ZNF506: variants seen among roughly 807,000 people sequenced by gnomAD.
ZNF506 encodes zinc finger protein 506.
ZNF506 carries 10 observed loss-of-function variants against 11.6 expected under a neutral mutation model. That is an observed-to-expected ratio of 0.86 (90% CI 0.53 to 1.46). ZNF506 has a LOEUF of 1.46. ZNF506 is among the 40% of genes most tolerant of loss of function. The pLI is 0.00. For missense variants in ZNF506, 425 were observed against 521.2 expected (o/e 0.82, Z 1.80); for synonymous variants, 156 against 173.3 (o/e 0.90, Z 0.78).
At chr19:19,800,354 T>TG (rs1367740640) in intron 3 of ZNF506, among the ~76,000 whole-genome samples, 15 of 147,242 alleles carry the variant, frequency 1.0e-4, no homozygotes, top group African/African-American at 3.7e-4. Context: ...AGTGATATGT[T>TG]GCATAATATG....
chr19:19,797,535 A>T (rs760484627), intron 3 of ZNF506: 1 of 151,968 alleles, frequency 6.6e-6, no homozygotes, highest in Non-Finnish European at 1.5e-5. Flanking sequence ...GAGGATAACA[A>T]CGAAAAAATA....
At chr19:19,800,391 A>AATATATATATATTTATATATAT (rs2062780179) in intron 3 of ZNF506, among the ~76,000 whole-genome samples, 2 of 139,244 alleles carry the variant, frequency 1.4e-5, no homozygotes, top group African/African-American at 2.6e-5. Flanking sequence ...AACTAAACAG[A>AATATATATATATTTATATATAT]ATATATATAT....
intron 3 of ZNF506, 119 bp downstream of exon 3, chr19:19,805,912 C>T: frequency 1.1e-6 from 1 of 871,512 alleles, no homozygotes; most frequent in Non-Finnish European, 1.8e-6. Context: ...AAAAAGCTGC[C>T]CAGGAACTAT....
chr19:19,812,260 C>T (rs184728472), intron 1 of ZNF506, among the ~76,000 whole-genome samples: 14 of 152,356 alleles, frequency 9.2e-5, no homozygotes, highest in Non-Finnish European at 1.8e-4. Context: ...GCCTCAAAGA[C>T]ACCTAGGTGA....
chr19:19,810,074 T>C (rs1396544881), intron 1 of ZNF506, among the ~76,000 whole-genome samples: 4 of 152,210 alleles, frequency 2.6e-5, no homozygotes, highest in Non-Finnish European at 5.9e-5. Flanking sequence ...CACTTGGTAA[T>C]TTTGGCCCCA....
At chr19:19,795,934 G>A in intron 3 of ZNF506, 1 of 402,344 alleles carries the variant, frequency 2.5e-6, no homozygotes, top group Non-Finnish European at 4.7e-6. Flanking sequence ...AGAAAAGTCT[G>A]TTACTTATAC....
rs1200457361 is a variant in ZNF506 at position 19,801,693 on chromosome 19, T to A, written c.226+4338A>T. ...GTAGTCCCAGCTACTCGGGAGGCTGTGGCAGAAGAATCTCTTGTACCCAGG... is the reference window on the plus strand; with the variant it reads ...GTAGTCCCAGCTACTCGGGAGGCTGAGGCAGAAGAATCTCTTGTACCCAGG... On this transcript the variant is annotated intron_variant, in intron 3 of 3. Coordinates refer to ENST00000540806, the MANE Select transcript of ZNF506 (RefSeq NM_001099269.3). 3.0e-3 allele frequency among the ~76,000 whole-genome samples: 442 copies of A among 147,152 alleles called. 4 individuals are homozygous for A. Among genetic ancestry groups the A allele is most frequent in the African/African-American group, 0.011 (420 of 39,240 alleles).
chr19:19,807,913 A>G (rs2062848145), intron 1 of ZNF506, among the ~76,000 whole-genome samples: 1 of 152,026 alleles, frequency 6.6e-6, no homozygotes, highest in Non-Finnish European at 1.5e-5. Context: ...GTTTTCCCCC[A>G]CATTTTCTAG....
At chr19:19,799,656 C>T (rs898075335) in intron 3 of ZNF506, among the ~76,000 whole-genome samples, 7 of 151,946 alleles carry the variant, frequency 4.6e-5, no homozygotes, top group African/African-American at 1.7e-4. Context: ...TGCCTGTTAC[C>T]CCAGCACTTT....
At position 19,808,108 on chromosome 19, in the gene ZNF506, C is replaced by CTTTTTTTTTTTTTTTTTTTTTTTTTTTT. The variant is rs757160026; in HGVS notation, c.4-1068_4-1041dup. ...ACTTAACCAAGTGAATCATTAACCA[C>CTTTTTTTTTTTTTTTTTTTTTTTTTTTT]TTTTTTTTTTTTTTTTTTTTTTTTT... On this transcript the variant is annotated intron_variant, in intron 1 of 3. Coordinates refer to ENST00000540806, the MANE Select transcript of ZNF506 (RefSeq NM_001099269.3). Among the ~76,000 whole-genome samples, 2 of 56,730 alleles carry CTTTTTTTTTTTTTTTTTTTTTTTTTTTT rather than the reference C, an allele frequency of 3.5e-5. 1 individual carries two copies. The highest frequency in any genetic ancestry group is 6.1e-5 in the Non-Finnish European group (2 of 32,912). The allele number at this position is 56,730 out of a possible 152,430, so 37.2% of individuals were successfully genotyped here.
intron 1 of ZNF506, among the ~76,000 whole-genome samples, chr19:19,809,987 T>G (rs565106037): frequency 1.3e-5 from 2 of 152,206 alleles, no homozygotes; most frequent in African/African-American, 2.4e-5. Flanking sequence ...AAATTGGCCA[T>G]GAGATCCTAA....
At chr19:19,808,819 T>G (rs950214978) in intron 1 of ZNF506, among the ~76,000 whole-genome samples, 2 of 129,456 alleles carry the variant, frequency 1.5e-5, no homozygotes, top group African/African-American at 3.1e-5. Context: ...CCCCTGGCCT[T>G]GGTGACACAG....
Position 19,806,152 on chromosome 19 carries a change from G to A in ZNF506, c.131-26C>T, listed in dbSNP as rs376974696. On this transcript the variant is annotated intron_variant, in intron 2 of 3. Transcript: ENST00000540806. ...CTGTTTTATTAAGAATAAATAATATGAATCTTGCTCATATTCTCCAATTAC... is the reference window on the plus strand; with the variant it reads ...CTGTTTTATTAAGAATAAATAATATAAATCTTGCTCATATTCTCCAATTAC... 38 of 1,538,440 alleles carry A rather than the reference G, an allele frequency of 2.5e-5. No individual in the cohort carries two copies. In the African/African-American group the frequency reaches 4.8e-4, roughly 20 times the overall value.
At chr19:19,796,007 G>A (rs543593904) in intron 3 of ZNF506, 5 of 286,414 alleles carry the variant, frequency 1.7e-5, no homozygotes, top group African/African-American at 4.5e-5. Context: ...TTGCGGGCCC[G>A]GTGTGGTAGC....
chr19:19,799,347 T>TA (rs372514387), intron 3 of ZNF506: 1 of 528,468 alleles, frequency 1.9e-6, no homozygotes, highest in Non-Finnish European at 3.3e-6. Context: ...TAGAAGGCAG[T>TA]AAAAAACAAT....
chr19:19,793,397 GAAAA>G lies in ZNF506; in HGVS notation c.*1151_*1154del, dbSNP rs894560635. ...TGATGTTTTCTAAGCTATAGATTTTGAAAAAAAAAGTCTTTCCAAATTCATTATA... is the reference window on the plus strand; with the variant it reads ...TGATGTTTTCTAAGCTATAGATTTTGAAAAAGTCTTTCCAAATTCATTATA... On this transcript the variant is annotated 3_prime_UTR_variant, in exon 4 of 4. Coordinates refer to ENST00000540806, the MANE Select transcript of ZNF506 (RefSeq NM_001099269.3). Among the ~76,000 whole-genome samples the G allele has an allele frequency of 6.7e-6, 1 of 149,492 alleles. No individual in the cohort carries two copies. Among genetic ancestry groups the G allele is most frequent in the African/African-American group, 2.5e-5 (1 of 40,658 alleles).
In ZNF506 at chr19:19,817,831, C is replaced by CTTTT. The variant is rs35321486; in HGVS notation, c.3+3766_3+3769dup. Among the ~76,000 whole-genome samples the CTTTT allele has an allele frequency of 9.3e-4, 119 of 127,596 alleles. 2 individuals carry two copies. Among genetic ancestry groups the CTTTT allele is most frequent in the African/African-American group, 3.4e-3 (116 of 34,134 alleles). The allele number at this position is 127,596 out of a possible 152,430, so 83.7% of individuals were successfully genotyped here. ...CGTAAGGGAAGGAAATTTTAAGGTG[C>CTTTT]TTTTTTTTTTTTTTTTTGAGACGGT... On this transcript the variant is annotated intron_variant, in intron 1 of 3. Transcript: ENST00000540806.
At chr19:19,811,489 G>A (rs972631671) in intron 1 of ZNF506, among the ~76,000 whole-genome samples, 4 of 152,056 alleles carry the variant, frequency 2.6e-5, no homozygotes, top group African/African-American at 4.8e-5. Flanking sequence ...AAATAAATAC[G>A]TACACTTAAA....
intron 1 of ZNF506, among the ~76,000 whole-genome samples, chr19:19,812,067 A>C (rs977659157): frequency 1.3e-5 from 2 of 152,076 alleles, no homozygotes; most frequent in African/African-American, 4.8e-5. Flanking sequence ...GGGTCTCCAG[A>C]TCTCCTCCTT....
Sources: allele counts gnomAD v4.1 joint callset (sites outside exome capture counted in the v4.1 genomes callset), GRCh38; gene constraint gnomAD v4.1.1; transcripts MANE v1.5; gene names NCBI Gene and HGNC (gene_info 2026-07-23, HGNC 2026-07-21).